Variants in AFF1 observed in about 807,000 individuals in gnomAD.
The protein encoded by AFF1 is ALF transcription elongation factor 1.
AFF1 carries 48 observed loss-of-function variants against 121.7 expected under a neutral mutation model. The observed-to-expected ratio is 0.39, with a 90% confidence interval of 0.31 to 0.50. The LOEUF is 0.50. AFF1 is among the 20% of genes least tolerant of loss of function. The pLI, the probability that AFF1 is intolerant of heterozygous loss-of-function variation, is 0.76. For missense variants in AFF1, 1,523 were observed against 1,511.7 expected (o/e 1.01, Z -0.12); for synonymous variants, 613 against 563.0 (o/e 1.09, Z -1.26).
intron 4 of AFF1, among the ~76,000 whole-genome samples, chr4:87,054,752 T>C (rs1202023676): frequency 6.6e-6 from 1 of 152,152 alleles, no homozygotes; most frequent in East Asian, 1.9e-4. Context: ...ATTTTAAACC[T>C]GAAAAGATCT....
At chr4:87,056,692 T>C (rs191999042) in intron 4 of AFF1, among the ~76,000 whole-genome samples, 2 of 152,178 alleles carry the variant, frequency 1.3e-5, no homozygotes, top group African/African-American at 4.8e-5. Context: ...CCATTAGATA[T>C]AAAGGGAGCT....
chr4:87,136,427 C>A lies in AFF1; in HGVS notation c.*726C>A, dbSNP rs980852281. On this transcript the variant is annotated 3_prime_UTR_variant, in exon 21 of 21. Coordinates refer to ENST00000395146, the MANE Select transcript of AFF1 (RefSeq NM_001166693.3). Reference sequence around the variant, plus strand: ...TGCTGAAAGTCAGCCCACGTCGGAGCGGTGAGGAGGAGCCACAGCACATGG... The same window carrying A: ...TGCTGAAAGTCAGCCCACGTCGGAGAGGTGAGGAGGAGCCACAGCACATGG... 1 of 232,444 alleles carries A rather than the reference C, an allele frequency of 4.3e-6. No individual in the cohort carries two copies. The allele number at this position is 232,444 out of a possible 1,614,324, so 14.4% of individuals were successfully genotyped here.
At chr4:87,003,255 AT>A (rs1725858906) in intron 2 of AFF1, among the ~76,000 whole-genome samples, 1 of 151,764 alleles carries the variant, frequency 6.6e-6, no homozygotes, top group African/African-American at 2.4e-5. Flanking sequence ...CTGTATTAAA[AT>A]TTTTTTTCCA....
Position 86,949,702 on chromosome 4 carries a change from C to T in AFF1, c.38+1131C>T, listed in dbSNP as rs1192887779. 1.5e-5 allele frequency: 23 copies of T among 1,577,458 alleles called. No individual in the cohort carries two copies. The East Asian group carries it at 2.1e-4, about 14-fold the overall frequency. ...AGGGGATGATGGGCATGCGCAGGGG[C>T]GGGTAGTCCCGGAACTCCTTCAGGT... On this transcript the variant is annotated intron_variant, in intron 2 of 20. Transcript: ENST00000395146.
intron 2 of AFF1, among the ~76,000 whole-genome samples, chr4:86,997,175 G>T (rs983033531): frequency 2.0e-5 from 3 of 152,150 alleles, no homozygotes; most frequent in African/African-American, 4.8e-5. Context: ...GCCCCCCAAA[G>T]TGCTGGGATT....
rs368010538 is a variant in AFF1, at chr4:87,114,662, A to G, written c.1829A>G (p.Lys610Arg). ...CCACAAAGGCAAACCGTTGGAACCA[A>G]ACAACCCAAAAAACCTGTCAAGGCC... ...EPPQRQTVGTKQPKKPVKASA... is the reference protein window; with the variant it reads ...EPPQRQTVGTRQPKKPVKASA... The change falls in exon 12 of 21, where the codon AAA (lysine) becomes AGA (arginine). Residue 610 changes from lysine to arginine, a missense_variant. Lys to Arg is a conservative substitution (Grantham distance 26). Transcript: ENST00000395146. The G allele has an allele frequency of 1.1e-5, 18 of 1,613,004 alleles. No homozygotes were observed. In the East Asian group the frequency reaches 1.6e-4, roughly 14 times the overall value.
chr4:86,965,802 A>G (rs576091323), intron 2 of AFF1, among the ~76,000 whole-genome samples: 18 of 152,186 alleles, frequency 1.2e-4, no homozygotes, highest in Admixed American at 7.2e-4. Context: ...AATTCATTGC[A>G]CCCCTGTCCC....
intron 7 of AFF1, among the ~76,000 whole-genome samples, chr4:87,093,856 C>T (rs1724562762): frequency 6.6e-6 from 1 of 152,094 alleles, no homozygotes. Flanking sequence ...GTTTCAGGTC[C>T]CTATTACCTC....
At chr4:86,977,782 G>T (rs1346526823) in intron 2 of AFF1, among the ~76,000 whole-genome samples, 1 of 152,162 alleles carries the variant, frequency 6.6e-6, no homozygotes, top group Admixed American at 6.6e-5. Flanking sequence ...AATGTTTGTT[G>T]AATTGCTTTG....
intron 4 of AFF1, among the ~76,000 whole-genome samples, chr4:87,072,236 G>T (rs952672505): frequency 6.6e-6 from 1 of 151,632 alleles, no homozygotes; most frequent in Non-Finnish European, 1.5e-5. Context: ...GGTGGCGGGC[G>T]CCTGTAGTCC....
At chr4:87,105,918 AT>A in intron 10 of AFF1, 73 bp downstream of exon 10, 1 of 1,548,040 alleles carries the variant, frequency 6.5e-7, no homozygotes, top group Non-Finnish European at 8.9e-7. Context: ...ATAAAGCCTT[AT>A]TTAGTACTTT....
rs1262678498 is a variant in AFF1, at chr4:87,140,809, T to C, written c.*5108T>C. ...GTGAATAAAATTTAGCTGCCTTGTA[T>C]AGTCGTTTGAAAGAATATGTGATCT... On this transcript the variant is annotated 3_prime_UTR_variant, in exon 21 of 21. Transcript: ENST00000395146. 1 of 188,398 alleles carries C rather than the reference T, an allele frequency of 5.3e-6. No homozygotes were observed. The highest frequency in any genetic ancestry group is 8.5e-5 in the East Asian group (1 of 11,826). 11.7% of individuals were successfully genotyped at this position (188,398 alleles called of 1,614,324 possible). A position where few individuals can be genotyped will look rare whatever the true frequency, so the allele number is the denominator to read the frequency against.
At chr4:87,007,802 G>C (rs541242793) in intron 2 of AFF1, among the ~76,000 whole-genome samples, 4 of 152,104 alleles carry the variant, frequency 2.6e-5, no homozygotes, top group Non-Finnish European at 5.9e-5. Flanking sequence ...TTGTCTCGAG[G>C]GGAAGTTTAG....
chr4:87,132,040 A>C (rs901871992), intron 18 of AFF1, among the ~76,000 whole-genome samples, 176 bp downstream of exon 18: 1 of 152,130 alleles, frequency 6.6e-6, no homozygotes, highest in Non-Finnish European at 1.5e-5. Flanking sequence ...ATCTGCTGCC[A>C]TTTTTCTGAT....
chr4:87,003,794 TGA>T (rs1725896400), intron 2 of AFF1, among the ~76,000 whole-genome samples: 1 of 152,174 alleles, frequency 6.6e-6, no homozygotes, highest in Non-Finnish European at 1.5e-5. Context: ...AAAAAATTAT[TGA>T]GAGTAGACTT....
At chr4:87,000,906 T>G (rs1305168099) in intron 2 of AFF1, among the ~76,000 whole-genome samples, 1 of 152,158 alleles carries the variant, frequency 6.6e-6, no homozygotes, top group Non-Finnish European at 1.5e-5. Context: ...CTGTAAATCT[T>G]TATTCTTGAA....
chr4:87,055,743 T>C (rs112016095), intron 4 of AFF1, among the ~76,000 whole-genome samples: 6 of 152,344 alleles, frequency 3.9e-5, no homozygotes, highest in African/African-American at 1.4e-4. Flanking sequence ...TGATTTTGGC[T>C]GTTTTGGTGG....
Position 87,134,829 on chromosome 4 carries a change from C to G in AFF1, c.3535+135C>G. 3.7e-6 allele frequency: 3 copies of G among 821,170 alleles called. No homozygotes were observed. The South Asian group carries it at 5.6e-5, about 15-fold the overall frequency. 50.9% of individuals were successfully genotyped at this position (821,170 alleles called of 1,614,324 possible). On this transcript the variant is annotated intron_variant, in intron 20 of 20. Transcript: ENST00000395146. ...CTGTTTTACTTTAATTATATTTTCTCTATTCTGCCTCAAAACCTAGTTGCG... is the reference window on the plus strand; with the variant it reads ...CTGTTTTACTTTAATTATATTTTCTGTATTCTGCCTCAAAACCTAGTTGCG...
At chr4:86,945,413 C>A (rs112107547) in intron 1 of AFF1, among the ~76,000 whole-genome samples, 16 of 150,354 alleles carry the variant, frequency 1.1e-4, no homozygotes, top group African/African-American at 3.9e-4. Context: ...TAGCCTCCAC[C>A]TCCTGGGTTC....
Sources: allele counts gnomAD v4.1 joint callset (sites outside exome capture counted in the v4.1 genomes callset), GRCh38; gene constraint gnomAD v4.1.1; transcripts MANE v1.5; gene names NCBI Gene and HGNC (gene_info 2026-07-23, HGNC 2026-07-21).